CSMD1: variants seen among roughly 807,000 people sequenced by gnomAD.
CSMD1 encodes the protein CUB and Sushi multiple domains 1.
CSMD1 carries 213 observed loss-of-function variants against 417.5 expected under a neutral mutation model. That is an observed-to-expected ratio of 0.51 (90% CI 0.46 to 0.57). The LOEUF (loss-of-function observed/expected upper bound fraction) is 0.57. Among genes scored for constraint, CSMD1 ranks in the 20% least tolerant of loss-of-function variants. The pLI is 0.00. For synonymous variants in CSMD1, 2,862 were observed against 1,736.8 expected, an observed-to-expected ratio of 1.65 and a Z score of -16.11; for missense variants, 6,923 against 4,529.7, an observed-to-expected ratio of 1.53 and a Z score of -15.17.
intron 3 of CSMD1, among the ~76,000 whole-genome samples, chr8:4,077,295 G>GTATATATATATATATA (rs1253192594): frequency 3.3e-4 from 29 of 88,908 alleles, no homozygotes; most frequent in African/African-American, 9.0e-4. Flanking sequence ...ATATATATAT[G>GTATATATATATATATA]TGTATATATA....
chr8:4,117,514 A>G (rs1410941042), intron 3 of CSMD1, among the ~76,000 whole-genome samples: 4 of 151,748 alleles, frequency 2.6e-5, no homozygotes, highest in African/African-American at 4.8e-5. Flanking sequence ...CCTCCGACCA[A>G]CTCTCTCGGC....
At chr8:3,026,858 TG>T (rs1809967298) in intron 51 of CSMD1, among the ~76,000 whole-genome samples, 1 of 152,188 alleles carries the variant, frequency 6.6e-6, no homozygotes, top group Non-Finnish European at 1.5e-5. Context: ...TCAAAGAGGC[TG>T]GGCTATCCCT....
In CSMD1 at chr8:4,057,177, C is replaced by T. The variant is rs558577465; in HGVS notation, c.416-25078G>A. 1.2e-4 allele frequency among the ~76,000 whole-genome samples: 19 copies of T among 152,302 alleles called. No individual in the cohort carries two copies. The East Asian group carries it at 3.1e-3, about 25-fold the overall frequency. ...ACAGTGTAGTGTTCCTATTTCTCCA[C>T]ATCCTCTCCAGCACCTGTTGTTTCC... On this transcript the variant is annotated intron_variant, in intron 3 of 69. Transcript: ENST00000635120.
At chr8:4,361,504 C>G (rs13270369) in intron 3 of CSMD1, among the ~76,000 whole-genome samples, 13 of 151,964 alleles carry the variant, frequency 8.6e-5, no homozygotes, top group East Asian at 1.9e-4. Flanking sequence ...GATTAGAAGA[C>G]GGAGGCCTGC....
At chr8:3,969,843 T>C (rs1274960274) in intron 5 of CSMD1, among the ~76,000 whole-genome samples, 1 of 152,202 alleles carries the variant, frequency 6.6e-6, no homozygotes, top group Admixed American at 6.5e-5. Context: ...AGTATCCATC[T>C]ATAAGTGCAT....
At position 3,303,512 on chromosome 8, in the gene CSMD1, G is replaced by A. The variant is rs372366123; in HGVS notation, c.3950+4183C>T. ...GCGTCCAATGTTTTTCATACTGTGC[G>A]AGCTTATTAAAAATAATTCCCTTCA... On this transcript the variant is annotated intron_variant, in intron 25 of 69. Coordinates refer to ENST00000635120, the MANE Select transcript of CSMD1 (RefSeq NM_033225.6). Among the ~76,000 whole-genome samples the A allele has an allele frequency of 4.3e-4, 65 of 152,226 alleles. No homozygotes were observed. In the East Asian group the frequency reaches 8.3e-3, roughly 19 times the overall value.
chr8:4,407,195 TAG>T (rs1805090032), intron 3 of CSMD1, among the ~76,000 whole-genome samples: 1 of 152,232 alleles, frequency 6.6e-6, no homozygotes, highest in Non-Finnish European at 1.5e-5. Flanking sequence ...CAGTCCTCTT[TAG>T]AGTGATCACC....
intron 1 of CSMD1, among the ~76,000 whole-genome samples, chr8:4,782,373 T>C (rs1797197537): frequency 6.6e-6 from 1 of 152,216 alleles, no homozygotes; most frequent in Non-Finnish European, 1.5e-5. Context: ...CCCATAAATA[T>C]GTACAATTAT....
intron 26 of CSMD1, among the ~76,000 whole-genome samples, chr8:3,230,942 C>G (rs969956751): frequency 1.3e-5 from 2 of 152,148 alleles, no homozygotes; most frequent in Admixed American, 1.3e-4. Flanking sequence ...GGTGCCTGTG[C>G]TTTCAGGGGC....
At chr8:4,363,489 G>C (rs546532800) in intron 3 of CSMD1, among the ~76,000 whole-genome samples, 1 of 152,134 alleles carries the variant, frequency 6.6e-6, no homozygotes, top group South Asian at 2.1e-4. Context: ...CTCTGGAGGA[G>C]GAAAAGCATA....
intron 2 of CSMD1, among the ~76,000 whole-genome samples, chr8:4,503,225 C>CTATGT (rs1802349601): frequency 6.6e-6 from 1 of 152,070 alleles, no homozygotes; most frequent in Non-Finnish European, 1.5e-5. Context: ...AAGTCTACAG[C>CTATGT]GTCATAGTGT....
chr8:3,526,418 C>T (rs998758679), intron 10 of CSMD1, among the ~76,000 whole-genome samples: 2 of 151,744 alleles, frequency 1.3e-5, no homozygotes, highest in Non-Finnish European at 2.9e-5. Flanking sequence ...TTTAAGTGGC[C>T]TAAAGTTAGT....
chr8:4,981,612 G>T lies in CSMD1; in HGVS notation c.85+12720C>A, dbSNP rs532954429. ...TATAAAATACCTATTTGTACTTAATGGTTGCTAAGCTCTTTGCTGACTGTG... is the reference window on the plus strand; with the variant it reads ...TATAAAATACCTATTTGTACTTAATTGTTGCTAAGCTCTTTGCTGACTGTG... On this transcript the variant is annotated intron_variant, in intron 1 of 69. Coordinates refer to ENST00000635120, the MANE Select transcript of CSMD1 (RefSeq NM_033225.6). Among the ~76,000 whole-genome samples the T allele has an allele frequency of 7.6e-4, 116 of 152,254 alleles. 1 individual carries two copies. Among genetic ancestry groups the T allele is most frequent in the Admixed American group, 1.1e-3 (17 of 15,290 alleles).
intron 3 of CSMD1, among the ~76,000 whole-genome samples, chr8:4,211,981 T>C (rs141850700): frequency 2.0e-5 from 3 of 152,226 alleles, no homozygotes; most frequent in African/African-American, 7.2e-5. Context: ...TAGCAGTATG[T>C]CTTCTGTTAT....
chr8:3,832,262 T>G (rs1224876310), intron 5 of CSMD1, among the ~76,000 whole-genome samples: 1 of 152,164 alleles, frequency 6.6e-6, no homozygotes, highest in Non-Finnish European at 1.5e-5. Context: ...CTGCCTGATT[T>G]CCCTTATTCC....
chr8:4,152,955 G>C (rs1410015617), intron 3 of CSMD1, among the ~76,000 whole-genome samples: 2 of 152,080 alleles, frequency 1.3e-5, no homozygotes, highest in Non-Finnish European at 2.9e-5. Flanking sequence ...TCTTAGAAAT[G>C]GTATTTGCCT....
intron 21 of CSMD1, among the ~76,000 whole-genome samples, chr8:3,357,037 G>C (rs1172416130): frequency 2.6e-5 from 4 of 152,038 alleles, no homozygotes; most frequent in East Asian, 1.9e-4. Context: ...GGGTTCTGGA[G>C]TGAGGTGGGG....
chr8:4,371,176 T>G (rs1802373503), intron 3 of CSMD1, among the ~76,000 whole-genome samples: 1 of 152,142 alleles, frequency 6.6e-6, no homozygotes, highest in Admixed American at 6.6e-5. Context: ...TATTTCTGGA[T>G]ACTTTAGGGG....
chr8:2,955,882 A>AT (rs1802969145), intron 63 of CSMD1, 114 bp from the exon 64 acceptor site: 1 of 669,444 alleles, frequency 1.5e-6, no homozygotes, highest in East Asian at 2.9e-5. Context: ...CAATATGTAT[A>AT]TATACATATA....
Sources: gnomAD v4.1 joint callset for allele counts (sites outside exome capture counted in the v4.1 genomes callset) on GRCh38, gnomAD v4.1.1 for gene constraint, MANE v1.5 for transcripts, NCBI Gene and HGNC (gene_info 2026-07-23, HGNC 2026-07-21) for gene names.